Variants in EFCAB6 observed in about 807,000 individuals in gnomAD.
The protein encoded by EFCAB6 is EF-hand calcium-binding domain-containing protein 6.
In EFCAB6, 156 loss-of-function variants were observed where a neutral mutation model predicts 169.8. The observed-to-expected ratio is 0.92, with a 90% CI of 0.81 to 1.05. EFCAB6 has a LOEUF of 1.05. Ranked by LOEUF, EFCAB6 falls within the 50% of genes least tolerant of loss-of-function variation. The probability of loss-of-function intolerance (pLI) is 0.00; values close to 1 mark genes in which losing one functional copy is unlikely to be tolerated. For synonymous variants in EFCAB6, 698 were observed against 676.4 expected, an observed-to-expected ratio of 1.03 and a Z score of -0.50; for missense variants, 1,800 against 1,829.1, an observed-to-expected ratio of 0.98 and a Z score of 0.29.
intron 4 of EFCAB6, among the ~76,000 whole-genome samples, chr22:43,772,029 C>T (rs895278975): frequency 6.6e-6 from 1 of 152,148 alleles, no homozygotes; most frequent in Admixed American, 6.5e-5. Flanking sequence ...TTCGTCAAAA[C>T]TAAGTTAAAT....
chr22:43,613,203 G>T, intron 21 of EFCAB6, among the ~76,000 whole-genome samples: 1 of 147,048 alleles, frequency 6.8e-6, no homozygotes. Flanking sequence ...TAATATATTT[G>T]TTATAGAAAT....
intron 2 of EFCAB6, among the ~76,000 whole-genome samples, chr22:43,803,012 G>A (rs2062784574): frequency 6.6e-6 from 1 of 152,174 alleles, no homozygotes; most frequent in Non-Finnish European, 1.5e-5. Context: ...CTCCCACAAG[G>A]AGGGATTTCC....
At chr22:43,671,357 A>AT (rs2146971229) in intron 15 of EFCAB6, among the ~76,000 whole-genome samples, 1 of 152,212 alleles carries the variant, frequency 6.6e-6, no homozygotes, top group African/African-American at 2.4e-5. Flanking sequence ...AGGTGCCACC[A>AT]TGCCTGGCTT....
chr22:43,570,681 T>C (rs1395537851), intron 26 of EFCAB6, among the ~76,000 whole-genome samples: 1 of 152,020 alleles, frequency 6.6e-6, no homozygotes, highest in Non-Finnish European at 1.5e-5. Flanking sequence ...CGATGCCTTG[T>C]TCCTCTTTTA....
chr22:43,801,223 A>T (rs964865114), intron 2 of EFCAB6, among the ~76,000 whole-genome samples: 2 of 152,218 alleles, frequency 1.3e-5, no homozygotes, highest in African/African-American at 4.8e-5. Context: ...CAAGAATATT[A>T]TATCCAGCAA....
At chr22:43,621,237 C>T (rs1164945278) in intron 20 of EFCAB6, among the ~76,000 whole-genome samples, 1 of 150,720 alleles carries the variant, frequency 6.6e-6, no homozygotes, top group Non-Finnish European at 1.5e-5. Context: ...TACAGGCACC[C>T]ACCACCACAC....
At chr22:43,738,915 G>A (rs1388412078) in intron 6 of EFCAB6, among the ~76,000 whole-genome samples, 1 of 152,204 alleles carries the variant, frequency 6.6e-6, no homozygotes, top group Non-Finnish European at 1.5e-5. Flanking sequence ...GAACCTCCGT[G>A]ATCCTACCTA....
intron 8 of EFCAB6, among the ~76,000 whole-genome samples, chr22:43,728,022 C>T (rs2059801310): frequency 1.3e-5 from 2 of 151,988 alleles, no homozygotes; most frequent in Non-Finnish European, 2.9e-5. Flanking sequence ...GTTTTAAGCC[C>T]CACATGCATT....
At chr22:43,776,722 G>T (rs1193308848) in intron 3 of EFCAB6, among the ~76,000 whole-genome samples, 1 of 152,184 alleles carries the variant, frequency 6.6e-6, no homozygotes. Context: ...GCACATAGCA[G>T]GTAGGATGGA....
At position 43,572,973 on chromosome 22, in the gene EFCAB6, A is replaced by G. The variant is rs747625601; in HGVS notation, c.3420+3324T>C. ...ATCCATGCTTTAGAGGAAAATGAAG[A>G]CCCCAGAGAATGCCAGTGCTACCAC... On this transcript the variant is annotated intron_variant, in intron 26 of 31. Transcript: ENST00000262726. The surrounding 1 kb of genome is among the most constrained non-coding windows in gnomAD (Gnocchi z 4.0). Among the ~76,000 whole-genome samples, 5 of 152,202 alleles carry G rather than the reference A, an allele frequency of 3.3e-5. No homozygotes were observed. Among genetic ancestry groups the G allele is most frequent in the East Asian group, 3.9e-4 (2 of 5,188 alleles).
At chr22:43,707,138 A>G (rs572699133) in intron 10 of EFCAB6, among the ~76,000 whole-genome samples, 1 of 152,196 alleles carries the variant, frequency 6.6e-6, no homozygotes, top group Non-Finnish European at 1.5e-5. Flanking sequence ...GTTTTAATGC[A>G]CATTTGGGGT....
intron 17 of EFCAB6, among the ~76,000 whole-genome samples, chr22:43,638,986 T>C (rs137737): frequency 0.27 from 40,305 of 151,802 alleles, 5,649 homozygotes; most frequent in African/African-American, 0.36. Flanking sequence ...GGTTTCTCCA[T>C]GTTGATCAGG....
chr22:43,680,753 ATAGC>A (rs780554402), intron 12 of EFCAB6, among the ~76,000 whole-genome samples: 7 of 152,224 alleles, frequency 4.6e-5, no homozygotes, highest in Non-Finnish European at 2.9e-5. Flanking sequence ...CAGATTGCTC[ATAGC>A]TAGTTTATAG....
chr22:43,616,562 G>A (rs2147726019), intron 20 of EFCAB6, among the ~76,000 whole-genome samples: 1 of 152,324 alleles, frequency 6.6e-6, no homozygotes, highest in East Asian at 1.9e-4. Context: ...TACTCAAGAG[G>A]CTGAGGCAGG....
intron 4 of EFCAB6, among the ~76,000 whole-genome samples, chr22:43,769,856 AT>A (rs11394966): frequency 0.04 from 5,720 of 143,434 alleles, 256 homozygotes; most frequent in African/African-American, 0.12. Flanking sequence ...AGGTGAGCTA[AT>A]TTTTTTTTTT....
At chr22:43,531,378 T>C (rs920000909) in intron 30 of EFCAB6, among the ~76,000 whole-genome samples, 2 of 151,818 alleles carry the variant, frequency 1.3e-5, no homozygotes, top group African/African-American at 2.4e-5. Flanking sequence ...AATTTGAAAA[T>C]AGTTTGAGGA....
At chr22:43,747,455 G>A (rs1266194359) in intron 6 of EFCAB6, among the ~76,000 whole-genome samples, 1 of 152,180 alleles carries the variant, frequency 6.6e-6, no homozygotes, top group Non-Finnish European at 1.5e-5. Context: ...TGTATGTAGA[G>A]GGTGAGGGAA....
intron 19 of EFCAB6, among the ~76,000 whole-genome samples, chr22:43,630,291 A>G (rs951327984): frequency 6.6e-6 from 1 of 152,206 alleles, no homozygotes; most frequent in Non-Finnish European, 1.5e-5. Flanking sequence ...ACTGGCAATT[A>G]GGGGTTCACT....
At chr22:43,763,241 G>T (rs376330013) in intron 5 of EFCAB6, among the ~76,000 whole-genome samples, 2 of 151,876 alleles carry the variant, frequency 1.3e-5, no homozygotes, top group Admixed American at 1.3e-4. Flanking sequence ...GTTTTGCTAC[G>T]TTGGCTATGC....
Sources: allele counts gnomAD v4.1 joint callset (sites outside exome capture counted in the v4.1 genomes callset), GRCh38; gene constraint gnomAD v4.1.1; non-coding constraint Gnocchi (gnomAD v3.1); transcripts MANE v1.5; gene names NCBI Gene and HGNC (gene_info 2026-07-23, HGNC 2026-07-21).